Variants in SERPINA5 observed in about 807,000 individuals in gnomAD.
The protein encoded by SERPINA5 is plasma serine protease inhibitor.
SERPINA5 carries 25 observed loss-of-function variants against 25.3 expected under a neutral mutation model. That is an observed-to-expected ratio of 0.99 (90% CI 0.72 to 1.38). The LOEUF (loss-of-function observed/expected upper bound fraction) is 1.38. SERPINA5 is among the 40% of genes most tolerant of loss of function. The pLI is 0.00. For missense variants in SERPINA5, 599 were observed against 509.5 expected (o/e 1.18, Z -1.69); for synonymous variants, 234 against 206.2 (o/e 1.14, Z -1.16).
In SERPINA5 at chr14:94,591,109, C is replaced by T. The variant is rs1226268561; in HGVS notation, c.1038+213C>T. The stretch of plus-strand genomic sequence containing the variant: ...CCACTCCAGTTCACTCTATTCAGTT[C>T]CACTCCACTCCACTCCACTCCAGTT... On this transcript the variant is annotated intron_variant, in intron 5 of 5. Transcript: ENST00000329597. Among the ~76,000 whole-genome samples the T allele has an allele frequency of 2.0e-5, 3 of 149,662 alleles. No individual in the cohort carries two copies. In the South Asian group the frequency reaches 6.4e-4, roughly 32 times the overall value.
In SERPINA5 at chr14:94,587,606, G is replaced by A. The variant is rs1250871250; in HGVS notation, c.244G>A (p.Gly82Arg). 6.2e-7 allele frequency: 1 copy of A among 1,613,924 alleles called. No homozygotes were observed. The highest frequency in any genetic ancestry group is 1.7e-5 in the Admixed American group (1 of 59,992). ...CATGAGCCTGGCCATGCTCTCCCTG[G>A]GGGCTGGGTCCAGCACAAAGATGCA... ...ISMSLAMLSLGAGSSTKMQIL... is the reference protein window; with the variant it reads ...ISMSLAMLSLRAGSSTKMQIL... The change falls in exon 3 of 6, where the codon GGG (glycine) becomes AGG (arginine). Residue 82 changes from glycine to arginine, a missense_variant. By Grantham distance (125) the Gly-to-Arg change is moderately radical. Coordinates refer to ENST00000329597, the MANE Select transcript of SERPINA5 (RefSeq NM_000624.6).
At chr14:94,587,233 T>C in intron 2 of SERPINA5, 113 bp from the exon 3 acceptor site, 2 of 1,025,314 alleles carry the variant, frequency 2.0e-6, no homozygotes, top group Non-Finnish European at 1.4e-6. Flanking sequence ...TCCCTTCTCT[T>C]TGAAGCTGAA....
At chr14:94,584,585 A>G (rs1231394436) in intron 2 of SERPINA5, among the ~76,000 whole-genome samples, 1 of 151,984 alleles carries the variant, frequency 6.6e-6, no homozygotes, top group African/African-American at 2.4e-5. Context: ...TCCACAACAC[A>G]TGGCAGACTG....
chr14:94,590,818 T>C lies in SERPINA5; in HGVS notation c.960T>C (p.Ser320=), dbSNP rs757922184. ...GSYQLEKVLP[S]LGISNVFTSH... ...ATCAGCTGGAGAAAGTCCTCCCCAG[T>C]CTGGGGATCAGTAACGTCTTCACCT... Residue 320 remains serine, a synonymous_variant, in exon 5 of 6, where the codon AGT becomes AGC. Coordinates refer to ENST00000329597, the MANE Select transcript of SERPINA5 (RefSeq NM_000624.6). 7 of 1,613,732 alleles carry C rather than the reference T, an allele frequency of 4.3e-6. No individual in the cohort carries two copies. In the Admixed American group the frequency reaches 5.0e-5, roughly 12 times the overall value.
chr14:94,590,649 C>G, intron 4 of SERPINA5, 100 bp from the exon 5 acceptor site: 1 of 1,360,472 alleles, frequency 7.4e-7, no homozygotes, highest in Non-Finnish European at 1.0e-6. Context: ...TTTTTTAAAA[C>G]CATCAAAACT....
At chr14:94,590,593 G>T (rs995254547) in intron 4 of SERPINA5, 156 bp from the exon 5 acceptor site, 2 of 914,816 alleles carry the variant, frequency 2.2e-6, no homozygotes. Flanking sequence ...CTAGAAAAGA[G>T]GCCAGAGGAG....
At chr14:94,583,745 G>A (rs1314510001) in intron 2 of SERPINA5, among the ~76,000 whole-genome samples, 3 of 152,174 alleles carry the variant, frequency 2.0e-5, no homozygotes, top group Non-Finnish European at 2.9e-5. Context: ...TGAGATGACA[G>A]GTGAACATGA....
chr14:94,587,909 A>C lies in SERPINA5; in HGVS notation c.547A>C (p.Lys183Gln). The change falls in exon 3 of 6, where the codon AAG becomes CAG. Residue 183 changes from lysine (K) to glutamine (Q), a missense_variant. By Grantham distance (53) the Lys-to-Gln change is moderately conservative (BLOSUM62 1). Transcript: ENST00000329597. ...TTATGTGGCAAAGCAAACGAAGGGC[A>C]AGATTGTGGACTTGCTTAAGAACCT... ...NDYVAKQTKG[K>Q]IVDLLKNLDS... 1 of 1,614,244 alleles carries C rather than the reference A, an allele frequency of 6.2e-7. No individual in the cohort carries two copies. Among genetic ancestry groups the C allele is most frequent in the Non-Finnish European group, 8.5e-7 (1 of 1,180,050 alleles).
chr14:94,585,369 G>A (rs1036169526), intron 2 of SERPINA5, among the ~76,000 whole-genome samples: 39 of 152,102 alleles, frequency 2.6e-4, no homozygotes, highest in Admixed American at 1.8e-3. Flanking sequence ...GCTCCTTCTC[G>A]GAAGGAGCTC....
In SERPINA5 at chr14:94,590,044, A is replaced by C. The variant is rs760473615; in HGVS notation, c.623A>C (p.Lys208Thr). The C allele has an allele frequency of 3.2e-6, 5 of 1,570,196 alleles. No homozygotes were observed. In the East Asian group the frequency reaches 1.1e-4, roughly 36 times the overall value. Residue 208 changes from lysine to threonine, a missense_variant, in exon 4 of 6, where the codon AAG becomes ACG. Coordinates refer to ENST00000329597, the MANE Select transcript of SERPINA5 (RefSeq NM_000624.6). ...IMVNYIFFKA[K>T]WETSFNHKGT... is the part of the protein sequence containing the mutation. ...TTTTCCCTTTTTTCATCTTTAGCTAAGTGGGAGACAAGCTTCAACCACAAA... is the reference window on the plus strand; with the variant it reads ...TTTTCCCTTTTTTCATCTTTAGCTACGTGGGAGACAAGCTTCAACCACAAA...
chr14:94,591,024 T>TC (rs1449583989), intron 5 of SERPINA5, 128 bp downstream of exon 5: 3 of 799,568 alleles, frequency 3.8e-6, no homozygotes, highest in Non-Finnish European at 5.4e-6. Context: ...CCACTCCAGT[T>TC]CACTCTATTC....
intron 2 of SERPINA5, among the ~76,000 whole-genome samples, chr14:94,586,090 C>T: frequency 6.6e-6 from 1 of 152,130 alleles, no homozygotes; most frequent in Non-Finnish European, 1.5e-5. Flanking sequence ...GGCAAGACTT[C>T]TACCCGTAGC....
intron 3 of SERPINA5, among the ~76,000 whole-genome samples, chr14:94,589,339 T>C (rs1466163648): frequency 2.0e-5 from 3 of 151,970 alleles, no homozygotes; most frequent in Non-Finnish European, 4.4e-5. Context: ...TTCCAGCTAC[T>C]TGGGAGGCTG....
rs2069989 is a variant in SERPINA5, at chr14:94,591,777, T to C, written c.1039-280T>C. ...TCCTAGCTATGTGATCTCCAAAAAA[T>C]ACTTGACTCTCTGAGCTTCCTTTCT... On this transcript the variant is annotated intron_variant, in intron 5 of 5. Coordinates refer to ENST00000329597, the MANE Select transcript of SERPINA5 (RefSeq NM_000624.6). Among the ~76,000 whole-genome samples, 1,030 of 152,292 alleles carry C rather than the reference T, an allele frequency of 6.8e-3. 9 individuals are homozygous for C. Among genetic ancestry groups the C allele is most frequent in the Admixed American group, 0.01 (159 of 15,302 alleles).
chr14:94,587,660 C>A lies in SERPINA5; in HGVS notation c.298C>A (p.Gln100Lys). Residue 100 changes from glutamine to lysine, a missense_variant, in exon 3 of 6, where the codon CAG becomes AAG. Transcript: ENST00000329597. ...CCTGGAGGGCCTGGGCCTCAACCTC[C>A]AGAAAAGCTCAGAGAAGGAGCTGCA... ...QILEGLGLNL[Q>K]KSSEKELHRG... 1 of 1,614,062 alleles carries A rather than the reference C, an allele frequency of 6.2e-7. No homozygotes were observed. The highest frequency in any genetic ancestry group is 1.1e-5 in the South Asian group (1 of 91,058).
At chr14:94,591,997 T>G (rs1885318380) in intron 5 of SERPINA5, 60 bp from the exon 6 acceptor site, 1 of 1,545,990 alleles carries the variant, frequency 6.5e-7, no homozygotes, top group South Asian at 1.2e-5. Flanking sequence ...GCTTTGCCAT[T>G]TGCTATGATG....
At position 94,590,229 on chromosome 14, in the gene SERPINA5, C is replaced by T; in HGVS notation, c.808C>T (p.Pro270Ser). The T allele has an allele frequency of 6.2e-7, 1 of 1,613,956 alleles. No individual in the cohort carries two copies. Among genetic ancestry groups the T allele is most frequent in the Non-Finnish European group, 8.5e-7 (1 of 1,179,876 alleles). The change falls in exon 4 of 6, where the codon CCC (proline) becomes TCC (serine). Residue 270 changes from proline (P) to serine (S), a missense_variant. Physicochemically the swap from Pro to Ser is moderately conservative, Grantham distance 74 (BLOSUM62 -1). Coordinates refer to ENST00000329597, the MANE Select transcript of SERPINA5 (RefSeq NM_000624.6). The stretch of plus-strand genomic sequence containing the variant: ...CAATGCCACGGCTTTGTTCATTCTC[C>T]CCAGTGAGGGAAAGATGCAGCAGGT... ...QGNATALFILPSEGKMQQVEN... is the reference protein window; with the variant it reads ...QGNATALFILSSEGKMQQVEN...
chr14:94,587,572 G>A lies in SERPINA5; in HGVS notation c.210G>A (p.Val70=), dbSNP rs1432015570. The stretch of plus-strand genomic sequence containing the variant: ...GCCAGAGCATCTTCTTCTCCCCTGT[G>A]AGCATCTCCATGAGCCTGGCCATGC... ...APSQSIFFSP[V]SISMSLAMLS... The change falls in exon 3 of 6, where the codon GTG becomes GTA. Residue 70 remains valine, a synonymous_variant. Transcript: ENST00000329597. The A allele has an allele frequency of 1.9e-6, 3 of 1,614,094 alleles. No homozygotes were observed. The highest frequency in any genetic ancestry group is 4.5e-5 in the East Asian group (2 of 44,880).
chr14:94,585,958 G>A (rs1885069383), intron 2 of SERPINA5, among the ~76,000 whole-genome samples: 1 of 152,160 alleles, frequency 6.6e-6, no homozygotes, highest in African/African-American at 2.4e-5. Context: ...TACAGTTATG[G>A]AGCAGTGGCT....
Sources: allele counts gnomAD v4.1 joint callset (sites outside exome capture counted in the v4.1 genomes callset), GRCh38; gene constraint gnomAD v4.1.1; transcripts MANE v1.5; gene names NCBI Gene and HGNC (gene_info 2026-07-23, HGNC 2026-07-21).